PCDHGB1: variants seen among roughly 807,000 people sequenced by gnomAD.
PCDHGB1 encodes the protein protocadherin gamma-B1.
PCDHGB1 carries 34 observed loss-of-function variants against 56.6 expected under a neutral mutation model. The ratio of observed to expected loss-of-function variants is 0.60; its 90% CI spans 0.46 to 0.80. The LOEUF (loss-of-function observed/expected upper bound fraction) is 0.80, where lower values mean the gene tolerates loss of function less well. Among genes scored for constraint, PCDHGB1 ranks in the 30% least tolerant of loss-of-function variants. PCDHGB1 has a pLI of 0.00. For missense variants in PCDHGB1, 1,278 were observed against 1,204.6 expected, an observed-to-expected ratio of 1.06 and a Z score of -0.90; for synonymous variants, 561 against 505.9, an observed-to-expected ratio of 1.11 and a Z score of -1.46.
At chr5:141,508,588 C>G (rs1721443459) in intron 3 of PCDHGB1, among the ~76,000 whole-genome samples, 1 of 152,176 alleles carries the variant, frequency 6.6e-6, no homozygotes, top group African/African-American at 2.4e-5. Context: ...GGGTGCTACT[C>G]AGAGATCTTG....
At position 141,352,653 on chromosome 5, in the gene PCDHGB1, C is replaced by G; in HGVS notation, c.2393C>G (p.Pro798Arg). 1.3e-6 allele frequency: 2 copies of G among 1,597,500 alleles called. No individual in the cohort carries two copies. The highest frequency in any genetic ancestry group is 1.7e-6 in the Non-Finnish European group (2 of 1,171,258). ...GAAGATCACAAAATCGCTTATGACC[C>G]TTCTTTGTCTTCGCACGTGAGTTTC... ...SNEDHKIAYD[P>R]SLSSHQAPPN... is the part of the protein sequence containing the mutation. Residue 798 changes from proline to arginine, a missense_variant, in exon 1 of 4, where the codon CCT becomes CGT. By Grantham distance (103) the Pro-to-Arg change is moderately radical. Coordinates refer to ENST00000523390, the MANE Select transcript of PCDHGB1 (RefSeq NM_018922.3).
At chr5:141,447,824 G>A (rs926580893) in intron 1 of PCDHGB1, among the ~76,000 whole-genome samples, 7 of 152,034 alleles carry the variant, frequency 4.6e-5, no homozygotes, top group Admixed American at 1.3e-4. Flanking sequence ...GGTGGCTCAC[G>A]CCTGTAATCC....
chr5:141,485,886 A>G lies in PCDHGB1; in HGVS notation c.2410-8921A>G. 1.9e-6 allele frequency: 3 copies of G among 1,614,132 alleles called. No individual in the cohort carries two copies. Among genetic ancestry groups the G allele is most frequent in the Non-Finnish European group, 2.5e-6 (3 of 1,180,016 alleles). On this transcript the variant is annotated intron_variant, in intron 1 of 3. Transcript: ENST00000523390. This position sits in a 1 kb window ranked among gnomAD's most constrained non-coding sequence, Gnocchi z 5.7. ...GTATCCGTGCTGGACGTAAACGACAACGCCCCAGCCTTCCAGCAATCCAGC... is the reference window on the plus strand; with the variant it reads ...GTATCCGTGCTGGACGTAAACGACAGCGCCCCAGCCTTCCAGCAATCCAGC...
intron 1 of PCDHGB1, chr5:141,360,273 C>A (rs1007767889): frequency 6.2e-7 from 1 of 1,613,890 alleles, no homozygotes; most frequent in Non-Finnish European, 8.5e-7. Context: ...AAAACTCGGT[C>A]GTAGGAAACC....
intron 1 of PCDHGB1, among the ~76,000 whole-genome samples, chr5:141,433,818 CA>C (rs2097653666): frequency 7.5e-6 from 1 of 133,558 alleles, no homozygotes; most frequent in African/African-American, 2.9e-5. Flanking sequence ...GCCTGGGCAA[CA>C]AGAGTGAAAC....
At chr5:141,394,021 GA>G (rs2092902279) in intron 1 of PCDHGB1, 1 of 1,613,362 alleles carries the variant, frequency 6.2e-7, no homozygotes, top group Non-Finnish European at 8.5e-7. Context: ...AATTATTATA[GA>G]TTAGTGACAA....
chr5:141,422,869 T>A, intron 1 of PCDHGB1: 2 of 1,614,202 alleles, frequency 1.2e-6, no homozygotes, highest in Non-Finnish European at 1.7e-6. Context: ...CAGCAACGTG[T>A]CGCTGAGCCT....
chr5:141,356,586 T>A (rs898846586), intron 1 of PCDHGB1: 1 of 1,614,176 alleles, frequency 6.2e-7, no homozygotes, highest in Non-Finnish European at 8.5e-7. Flanking sequence ...CTTACATTCC[T>A]GAAAACAACC....
intron 1 of PCDHGB1, chr5:141,412,667 AC>A (rs1385712050): frequency 6.6e-6 from 1 of 152,284 alleles, no homozygotes; most frequent in Non-Finnish European, 1.5e-5. Flanking sequence ...CACTAATATG[AC>A]CTAAAATAAG....
Position 141,375,204 on chromosome 5 carries a change from G to A in PCDHGB1, c.2409+22535G>A, listed in dbSNP as rs368044815. 218 of 1,613,850 alleles carry A rather than the reference G, an allele frequency of 1.4e-4. No individual in the cohort carries two copies. The highest frequency in any genetic ancestry group is 1.7e-4 in the Non-Finnish European group (204 of 1,179,898). ...ATCGCCCTTTTTCAAGTGTTCGATC[G>A]AGACTCTGGCCTGAATGGCCTGGTA... On this transcript the variant is annotated intron_variant, in intron 1 of 3. Coordinates refer to ENST00000523390, the MANE Select transcript of PCDHGB1 (RefSeq NM_018922.3).
intron 1 of PCDHGB1, chr5:141,484,946 C>T (rs2154580274): frequency 3.6e-6 from 2 of 561,448 alleles, no homozygotes; most frequent in Non-Finnish European, 6.4e-6. Flanking sequence ...CTCTGCTCAG[C>T]CTATTGGCTG....
At chr5:141,355,012 A>T in intron 1 of PCDHGB1, 1 of 841,198 alleles carries the variant, frequency 1.2e-6, no homozygotes. Context: ...ACAAACCAGA[A>T]ATTTAATCAG....
chr5:141,465,800 C>G (rs1486100601), intron 1 of PCDHGB1, among the ~76,000 whole-genome samples: 2 of 151,524 alleles, frequency 1.3e-5, no homozygotes, highest in East Asian at 3.9e-4. Flanking sequence ...TTTAAGAAAC[C>G]CTTCAGGATC....
Position 141,431,303 on chromosome 5 carries a change from G to A in PCDHGB1, c.2410-63504G>A, listed in dbSNP as rs777784010. 2 of 1,613,942 alleles carry A rather than the reference G, an allele frequency of 1.2e-6. No homozygotes were observed. The highest frequency in any genetic ancestry group is 2.7e-5 in the African/African-American group (2 of 74,916). ...CCCGAACACTCACTTCTCCCTCATC[G>A]TGCAAAATGGAGCCGACGGTAGTAA... On this transcript the variant is annotated intron_variant, in intron 1 of 3. Transcript: ENST00000523390. The surrounding 1 kb of genome is among the most constrained non-coding windows in gnomAD (Gnocchi z 4.8).
chr5:141,466,039 A>G (rs926979550), intron 1 of PCDHGB1, among the ~76,000 whole-genome samples: 1 of 152,122 alleles, frequency 6.6e-6, no homozygotes, highest in Non-Finnish European at 1.5e-5. Context: ...GGAGAACGGC[A>G]TGAACCCAGG....
chr5:141,495,973 A>C (rs2099764953), intron 2 of PCDHGB1, among the ~76,000 whole-genome samples: 1 of 146,988 alleles, frequency 6.8e-6, no homozygotes, highest in African/African-American at 2.5e-5. Context: ...TTTCTCTGTT[A>C]CTCTTTCTTT....
rs777545006 is a variant in PCDHGB1 at position 141,356,045 on chromosome 5, G to A, written c.2409+3376G>A. ...AATGGAGACGTGACGTATTCTTTCCGGAAAGTAAGAGACAAAATATCACAG... is the reference window on the plus strand; with the variant it reads ...AATGGAGACGTGACGTATTCTTTCCAGAAAGTAAGAGACAAAATATCACAG... On this transcript the variant is annotated intron_variant, in intron 1 of 3. Coordinates refer to ENST00000523390, the MANE Select transcript of PCDHGB1 (RefSeq NM_018922.3). The A allele has an allele frequency of 6.2e-7, 1 of 1,613,906 alleles. No individual in the cohort carries two copies. Among genetic ancestry groups the A allele is most frequent in the Admixed American group, 1.7e-5 (1 of 60,016 alleles).
At chr5:141,443,683 A>C (rs1358937790) in intron 1 of PCDHGB1, among the ~76,000 whole-genome samples, 1 of 152,248 alleles carries the variant, frequency 6.6e-6, no homozygotes, top group Admixed American at 6.5e-5. Flanking sequence ...GTTTACAAAC[A>C]CTTCAAAAAT....
chr5:141,484,277 G>T (rs1026083889), intron 1 of PCDHGB1, among the ~76,000 whole-genome samples: 1 of 152,126 alleles, frequency 6.6e-6, no homozygotes, highest in South Asian at 2.1e-4. Context: ...TTACTGTTTT[G>T]AAACATCTCC....
Sources: allele counts gnomAD v4.1 joint callset (sites outside exome capture counted in the v4.1 genomes callset), GRCh38; gene constraint gnomAD v4.1.1; non-coding constraint Gnocchi (gnomAD v3.1); transcripts MANE v1.5; gene names NCBI Gene and HGNC (gene_info 2026-07-23, HGNC 2026-07-21).